Variants in RCSD1 observed in about 807,000 individuals in gnomAD.
RCSD1 encodes the protein RCSD domain containing 1.
RCSD1 carries 26 observed loss-of-function variants against 42.5 expected under a neutral mutation model. That is an observed-to-expected ratio of 0.61 (90% CI 0.45 to 0.85). RCSD1 has a LOEUF of 0.85. RCSD1 is among the 40% of genes least tolerant of loss of function. RCSD1 has a pLI of 0.00. For synonymous variants in RCSD1, 220 were observed against 212.2 expected (o/e 1.04, Z -0.32); for missense variants, 571 against 528.3 (o/e 1.08, Z -0.79).
At chr1:167,638,304 A>G (rs1051715972) in intron 1 of RCSD1, 1 of 152,190 alleles carries the variant, frequency 6.6e-6, no homozygotes, top group African/African-American at 2.4e-5. Context: ...GGTAATTACT[A>G]CCACTTGTTG....
chr1:167,672,807 A>G (rs531684482), intron 1 of RCSD1, among the ~76,000 whole-genome samples: 1 of 152,184 alleles, frequency 6.6e-6, no homozygotes, highest in South Asian at 2.1e-4. Context: ...ATACTGACTG[A>G]CCTATCATAC....
intron 6 of RCSD1, among the ~76,000 whole-genome samples, chr1:167,698,517 C>T (rs1200075552): frequency 1.3e-5 from 2 of 152,130 alleles, no homozygotes; most frequent in Admixed American, 6.5e-5. Flanking sequence ...TGACTCAGTC[C>T]CTGCCCTCCT....
At chr1:167,647,589 A>G (rs1258434849) in intron 1 of RCSD1, among the ~76,000 whole-genome samples, 3 of 152,148 alleles carry the variant, frequency 2.0e-5, no homozygotes, top group South Asian at 4.1e-4. Context: ...AATAAATAAA[A>G]TAAAAGCAGT....
intron 3 of RCSD1, among the ~76,000 whole-genome samples, chr1:167,686,149 G>A (rs1467313399): frequency 1.3e-5 from 2 of 152,272 alleles, no homozygotes; most frequent in South Asian, 2.1e-4. Flanking sequence ...AGCTGCAGGA[G>A]TGCCTTCTCC....
chr1:167,662,341 T>C (rs985042444), intron 1 of RCSD1, among the ~76,000 whole-genome samples: 1 of 152,134 alleles, frequency 6.6e-6, no homozygotes, highest in African/African-American at 2.4e-5. Flanking sequence ...GGGATTGGGG[T>C]GTGCAGGCAG....
intron 1 of RCSD1, among the ~76,000 whole-genome samples, chr1:167,675,462 A>G (rs1418795075): frequency 1.3e-5 from 2 of 152,160 alleles, no homozygotes; most frequent in African/African-American, 2.4e-5. Flanking sequence ...AACTGCTCCC[A>G]TAATTCAATT....
At chr1:167,647,114 G>A (rs1203350147) in intron 1 of RCSD1, among the ~76,000 whole-genome samples, 4 of 74,796 alleles carry the variant, frequency 5.3e-5, no homozygotes, top group African/African-American at 2.0e-4. Flanking sequence ...TGGGCAAAAA[G>A]AGTGAAACTC....
intron 1 of RCSD1, among the ~76,000 whole-genome samples, chr1:167,675,772 G>A (rs1340026146): frequency 6.6e-6 from 1 of 152,170 alleles, no homozygotes; most frequent in East Asian, 1.9e-4. Flanking sequence ...TGTCTGTTAA[G>A]CTCTTGCCTT....
chr1:167,630,938 A>C (rs1196200567), intron 1 of RCSD1, among the ~76,000 whole-genome samples: 1 of 152,128 alleles, frequency 6.6e-6, no homozygotes, highest in Non-Finnish European at 1.5e-5. Context: ...TAGAGAGTCC[A>C]GTTGTCTTCT....
At chr1:167,667,360 C>A (rs754494320) in intron 1 of RCSD1, among the ~76,000 whole-genome samples, 1 of 152,152 alleles carries the variant, frequency 6.6e-6, no homozygotes, top group Non-Finnish European at 1.5e-5. Flanking sequence ...GGGGCAGACA[C>A]CATTCTACTA....
chr1:167,692,958 A>G (rs533985415), intron 4 of RCSD1, among the ~76,000 whole-genome samples: 6 of 138,456 alleles, frequency 4.3e-5, no homozygotes, highest in African/African-American at 1.5e-4. Context: ...CACAGGGACC[A>G]GATAGAAAAG....
chr1:167,687,211 A>G (rs551616662), intron 3 of RCSD1, among the ~76,000 whole-genome samples: 146 of 152,340 alleles, frequency 9.6e-4, no homozygotes, highest in African/African-American at 3.2e-3. Context: ...CCAGGGATCA[A>G]TGACTTTTCG....
intron 1 of RCSD1, among the ~76,000 whole-genome samples, chr1:167,677,942 A>G (rs899989669): frequency 6.6e-6 from 1 of 152,212 alleles, no homozygotes; most frequent in African/African-American, 2.4e-5. Flanking sequence ...AGTGGGAGGC[A>G]GATTTGCCTG....
At chr1:167,679,515 T>G (rs1659028840) in intron 1 of RCSD1, among the ~76,000 whole-genome samples, 1 of 152,210 alleles carries the variant, frequency 6.6e-6, no homozygotes. Context: ...CTTTTTGAAG[T>G]GATGATTTAA....
intron 6 of RCSD1, among the ~76,000 whole-genome samples, chr1:167,698,059 C>T (rs948782719): frequency 2.6e-5 from 4 of 152,192 alleles, no homozygotes; most frequent in African/African-American, 4.8e-5. Context: ...TCTGCTCTTG[C>T]CAACTTCTCG....
chr1:167,664,990 A>C lies in RCSD1; in HGVS notation c.7-18910A>C, dbSNP rs374790792. 3.3e-5 allele frequency: 5 copies of C among 151,420 alleles called. No homozygotes were observed. The East Asian group carries it at 9.8e-4, about 30-fold the overall frequency. 9.4% of individuals were successfully genotyped at this position (151,420 alleles called of 1,614,324 possible). On this transcript the variant is annotated intron_variant, in intron 1 of 6. Coordinates refer to ENST00000367854, the MANE Select transcript of RCSD1 (RefSeq NM_052862.4). ...GAGGTGAAGGTTGCAGTGAGCCGAG[A>C]TCGTGCCACTGCACTCCAGCGTGGG...
chr1:167,689,490 A>AG (rs1300751862), intron 3 of RCSD1, among the ~76,000 whole-genome samples: 5 of 147,594 alleles, frequency 3.4e-5, no homozygotes, highest in South Asian at 2.1e-4. Context: ...CAAAAAAAAA[A>AG]AAAAAAAGAA....
chr1:167,635,413 T>C (rs1461329509), intron 1 of RCSD1, among the ~76,000 whole-genome samples: 1 of 152,090 alleles, frequency 6.6e-6, no homozygotes, highest in African/African-American at 2.4e-5. Flanking sequence ...AGGGGGAATT[T>C]GGGGAGTGAG....
At chr1:167,633,367 G>A (rs575595233) in intron 1 of RCSD1, among the ~76,000 whole-genome samples, 16 of 152,318 alleles carry the variant, frequency 1.1e-4, no homozygotes, top group African/African-American at 3.8e-4. Flanking sequence ...AAGAAGCCTT[G>A]GAAGAAAGAT....
Sources: gnomAD v4.1 joint callset for allele counts (sites outside exome capture counted in the v4.1 genomes callset) on GRCh38, gnomAD v4.1.1 for gene constraint, MANE v1.5 for transcripts, NCBI Gene and HGNC (gene_info 2026-07-23, HGNC 2026-07-21) for gene names.